The following DMXL1 variants were observed in gnomAD, a reference collection of about 807,000 sequenced individuals.
DMXL1 encodes dmX-like protein 1.
Under a neutral mutation model 319.2 loss-of-function variants are expected in DMXL1, and 99 were observed. The observed-to-expected ratio is 0.31, with a 90% CI of 0.26 to 0.37. The LOEUF (loss-of-function observed/expected upper bound fraction) is 0.37. DMXL1 is among the 10% of genes least tolerant of loss of function. DMXL1 has a pLI of 1.00. For synonymous variants in DMXL1, 1,385 were observed against 1,235.2 expected, an observed-to-expected ratio of 1.12 and a Z score of -2.54; for missense variants, 3,745 against 3,595.6, an observed-to-expected ratio of 1.04 and a Z score of -1.06.
At chr5:119,076,407 T>G (rs1750879401) in intron 1 of DMXL1, among the ~76,000 whole-genome samples, 1 of 152,114 alleles carries the variant, frequency 6.6e-6, no homozygotes, top group African/African-American at 2.4e-5. Flanking sequence ...GTTTGTTTTT[T>G]TTTTCTGAAA....
intron 28 of DMXL1, among the ~76,000 whole-genome samples, chr5:119,181,111 A>G (rs1379490261): frequency 2.0e-5 from 3 of 152,212 alleles, no homozygotes; most frequent in Non-Finnish European, 4.4e-5. Flanking sequence ...CAATCTTATT[A>G]ACCACTCTAG....
In DMXL1 at chr5:119,248,299, A is replaced by G. The variant is rs1172236603; in HGVS notation, c.*1080A>G. ...AATACTCTCCAGATCTACCATTAATAGAAAATAAACTAAACCTTATATTTT... is the reference window on the plus strand; with the variant it reads ...AATACTCTCCAGATCTACCATTAATGGAAAATAAACTAAACCTTATATTTT... On this transcript the variant is annotated 3_prime_UTR_variant, in exon 44 of 44. Coordinates refer to ENST00000539542, the MANE Select transcript of DMXL1 (RefSeq NM_001290321.3). 1 of 152,536 alleles carries G rather than the reference A, an allele frequency of 6.6e-6. No homozygotes were observed. Among genetic ancestry groups the G allele is most frequent in the Non-Finnish European group, 1.5e-5 (1 of 67,932 alleles). The allele number at this position is 152,536 out of a possible 1,614,324, so 9.4% of individuals were successfully genotyped here.
intron 39 of DMXL1, among the ~76,000 whole-genome samples, chr5:119,234,629 TTA>T (rs1787389979): frequency 1.3e-5 from 2 of 152,186 alleles, no homozygotes; most frequent in African/African-American, 2.4e-5. Context: ...TTAAGGGAAC[TTA>T]GTACAGATGC....
chr5:119,130,275 A>G (rs746325712), intron 10 of DMXL1, among the ~76,000 whole-genome samples: 1 of 151,968 alleles, frequency 6.6e-6, no homozygotes, highest in African/African-American at 2.4e-5. Flanking sequence ...AAATACAGAC[A>G]CTTAAAAGTT....
intron 37 of DMXL1, among the ~76,000 whole-genome samples, chr5:119,221,956 T>C (rs1041170773): frequency 2.6e-5 from 4 of 152,096 alleles, no homozygotes; most frequent in Non-Finnish European, 5.9e-5. Context: ...ACGTAGGTTA[T>C]AGGAACTAAT....
chr5:119,121,846 C>T (rs1580824590), intron 9 of DMXL1, among the ~76,000 whole-genome samples: 1 of 151,904 alleles, frequency 6.6e-6, no homozygotes, highest in African/African-American at 2.4e-5. Flanking sequence ...CCTCACTTCC[C>T]AGTAGGGGTG....
chr5:119,072,134 C>G (rs1749738145), intron 1 of DMXL1, among the ~76,000 whole-genome samples: 1 of 152,120 alleles, frequency 6.6e-6, no homozygotes, highest in African/African-American at 2.4e-5. Flanking sequence ...GCCTTGAGAA[C>G]AGTGTTTTTC....
chr5:119,244,255 A>G lies in DMXL1; in HGVS notation c.8705-104A>G, dbSNP rs1159629640. 5.0e-6 allele frequency: 4 copies of G among 795,858 alleles called. No individual in the cohort carries two copies. The South Asian group carries it at 5.6e-5, about 11-fold the overall frequency. 49.3% of individuals were successfully genotyped at this position (795,858 alleles called of 1,614,324 possible). On this transcript the variant is annotated intron_variant, in intron 42 of 43. Coordinates refer to ENST00000539542, the MANE Select transcript of DMXL1 (RefSeq NM_001290321.3). ...TTTCATTTGATTTTTTAATTGTTTC[A>G]GGCAGGATTGCAAATCTGGTCTATT...
intron 6 of DMXL1, 70 bp from the exon 7 acceptor site, chr5:119,116,088 A>G (rs1760777624): frequency 1.4e-6 from 2 of 1,424,042 alleles, no homozygotes; most frequent in East Asian, 4.7e-5. Context: ...GAAAATTCTT[A>G]CTTTTGCTAT....
At chr5:119,158,195 T>C (rs1021424481) in intron 19 of DMXL1, among the ~76,000 whole-genome samples, 2 of 151,750 alleles carry the variant, frequency 1.3e-5, no homozygotes, top group South Asian at 2.1e-4. Flanking sequence ...CTGGCCGATA[T>C]ATTTCTAAGG....
At chr5:119,183,080 A>G (rs898632573) in intron 28 of DMXL1, among the ~76,000 whole-genome samples, 2 of 152,240 alleles carry the variant, frequency 1.3e-5, no homozygotes, top group Non-Finnish European at 2.9e-5. Flanking sequence ...GAAATATAAA[A>G]TGAACATTTT....
chr5:119,214,624 A>G (rs547761422), intron 34 of DMXL1, among the ~76,000 whole-genome samples: 5 of 152,038 alleles, frequency 3.3e-5, no homozygotes, highest in Non-Finnish European at 7.4e-5. Context: ...TCTTTGACCC[A>G]CCCCCATGAC....
intron 1 of DMXL1, among the ~76,000 whole-genome samples, chr5:119,075,725 T>TA (rs146052027): frequency 0.099 from 14,579 of 147,052 alleles, 2,187 homozygotes; most frequent in African/African-American, 0.32. Flanking sequence ...TGGTCTTTTT[T>TA]AAAAAAAAAA....
chr5:119,207,663 C>A (rs1044476547), intron 34 of DMXL1, among the ~76,000 whole-genome samples: 1 of 152,072 alleles, frequency 6.6e-6, no homozygotes, highest in African/African-American at 2.4e-5. Context: ...GGATTATAGG[C>A]GCCCACCACC....
At chr5:119,129,662 C>G (rs569350939) in intron 10 of DMXL1, among the ~76,000 whole-genome samples, 16 of 152,252 alleles carry the variant, frequency 1.1e-4, no homozygotes, top group Middle Eastern at 3.4e-3. Flanking sequence ...TTAGGACTTT[C>G]CTATATAAAG....
chr5:119,244,904 G>A (rs992949815), intron 43 of DMXL1, among the ~76,000 whole-genome samples: 4 of 152,140 alleles, frequency 2.6e-5, no homozygotes, highest in African/African-American at 9.7e-5. Context: ...GCTGAGAAAT[G>A]TATTGATATT....
At chr5:119,164,382 C>T in intron 19 of DMXL1, 125 bp from the exon 20 acceptor site, 1 of 840,064 alleles carries the variant, frequency 1.2e-6, no homozygotes. Flanking sequence ...CCCATATTTC[C>T]AATCTTAAAC....
At chr5:119,088,926 A>C (rs1297383704) in intron 1 of DMXL1, among the ~76,000 whole-genome samples, 1 of 152,004 alleles carries the variant, frequency 6.6e-6, no homozygotes, top group African/African-American at 2.4e-5. Context: ...CAATTACAGT[A>C]TTCTTCTAGA....
intron 29 of DMXL1, 38 bp downstream of exon 29, chr5:119,189,924 C>T: frequency 1.3e-6 from 2 of 1,543,898 alleles, no homozygotes; most frequent in South Asian, 2.3e-5. Context: ...TTTTCATAGT[C>T]AAATAGAAAT....
Sources: allele counts gnomAD v4.1 joint callset (sites outside exome capture counted in the v4.1 genomes callset), GRCh38; gene constraint gnomAD v4.1.1; transcripts MANE v1.5; gene names NCBI Gene and HGNC (gene_info 2026-07-23, HGNC 2026-07-21).